The following CALN1 variants were observed in gnomAD, a reference collection of about 807,000 sequenced individuals.
CALN1 encodes the protein calneuron 1, also known as calcium-binding protein 8.
CALN1 carries 17 observed loss-of-function variants against 30.6 expected under a neutral mutation model. The observed-to-expected ratio is 0.56, with a 90% CI of 0.38 to 0.83. CALN1 has a LOEUF of 0.83. Among genes scored for constraint, CALN1 ranks in the 40% least tolerant of loss-of-function variants. CALN1 has a pLI of 0.00. For synonymous variants in CALN1, 156 were observed against 131.4 expected, an observed-to-expected ratio of 1.19 and a Z score of -1.28; for missense variants, 291 against 354.9, an observed-to-expected ratio of 0.82 and a Z score of 1.45.
chr7:71,805,039 C>T (rs1657122763), intron 6 of CALN1, among the ~76,000 whole-genome samples: 2 of 152,162 alleles, frequency 1.3e-5, no homozygotes, highest in African/African-American at 4.8e-5. Flanking sequence ...GAGTCCTTGT[C>T]CCTTGTGCTG....
chr7:72,116,312 A>T (rs980409953), intron 3 of CALN1, among the ~76,000 whole-genome samples: 1 of 152,212 alleles, frequency 6.6e-6, no homozygotes, highest in Admixed American at 6.5e-5. Context: ...TCAAGGACTT[A>T]AATGAGACTA....
At chr7:72,135,125 C>G (rs982971577) in intron 3 of CALN1, among the ~76,000 whole-genome samples, 1 of 152,150 alleles carries the variant, frequency 6.6e-6, no homozygotes, top group East Asian at 1.9e-4. Context: ...CTATTTCCAC[C>G]ACATCTGCAG....
chr7:72,364,072 A>AC (rs1425663557), intron 2 of CALN1, among the ~76,000 whole-genome samples: 8 of 151,958 alleles, frequency 5.3e-5, no homozygotes, highest in Admixed American at 2.0e-4. Flanking sequence ...AGTAAAAAAA[A>AC]AAAATACTTT....
chr7:72,040,853 C>A (rs73369831), intron 4 of CALN1, among the ~76,000 whole-genome samples: 4,093 of 152,256 alleles, frequency 0.027, 172 homozygotes, highest in African/African-American at 0.094. Flanking sequence ...AAACCAGCAT[C>A]TTGAGGTTGG....
At chr7:72,077,345 C>T (rs2129538427) in intron 4 of CALN1, among the ~76,000 whole-genome samples, 1 of 152,316 alleles carries the variant, frequency 6.6e-6, no homozygotes, top group South Asian at 2.1e-4. Context: ...ACAATCTTGG[C>T]TCACTTGAAT....
chr7:71,810,599 G>GC lies in CALN1; in HGVS notation c.502-108dup, dbSNP rs112319862. 245 of 1,109,080 alleles carry GC rather than the reference G, an allele frequency of 2.2e-4. 1 individual carries two copies. In the African/African-American group the frequency reaches 3.6e-3, roughly 16 times the overall value. 68.7% of individuals were successfully genotyped at this position (1,109,080 alleles called of 1,614,324 possible). On this transcript the variant is annotated intron_variant, in intron 5 of 6. Coordinates refer to ENST00000395275, the MANE Select transcript of CALN1 (RefSeq NM_031468.4). ...AGCTGCTCTGCAGAAACTTGTCTCA[G>GC]CGTTTCAGGATATCAGGTGAACAGT...
intron 5 of CALN1, among the ~76,000 whole-genome samples, chr7:71,983,130 T>C (rs983553550): frequency 2.0e-5 from 3 of 152,226 alleles, no homozygotes; most frequent in South Asian, 2.1e-4. Flanking sequence ...CAGTGCAGTC[T>C]GCTGCCAGCT....
chr7:71,878,185 A>G (rs910039958), intron 5 of CALN1, among the ~76,000 whole-genome samples: 1 of 152,212 alleles, frequency 6.6e-6, no homozygotes, highest in Non-Finnish European at 1.5e-5. Flanking sequence ...GTATTTAAGA[A>G]ATGACAAAGG....
chr7:71,934,336 C>A (rs980762062), intron 5 of CALN1, among the ~76,000 whole-genome samples: 4 of 152,170 alleles, frequency 2.6e-5, no homozygotes, highest in African/African-American at 9.7e-5. Flanking sequence ...CTGGTATAGT[C>A]ACTGATTATC....
intron 3 of CALN1, among the ~76,000 whole-genome samples, chr7:72,256,810 T>TA (rs1795945802): frequency 6.6e-6 from 1 of 152,026 alleles, no homozygotes; most frequent in Non-Finnish European, 1.5e-5. Context: ...TGGGAAAAGA[T>TA]AAAAGAAATT....
chr7:72,278,649 A>AG (rs764218550), intron 3 of CALN1, 37 bp downstream of exon 3: 6 of 1,591,900 alleles, frequency 3.8e-6, no homozygotes, highest in Non-Finnish European at 3.4e-6. Flanking sequence ...CCTCCCTGGG[A>AG]GGGGGGCCAT....
At chr7:72,117,509 A>T (rs1808069068) in intron 3 of CALN1, among the ~76,000 whole-genome samples, 1 of 152,084 alleles carries the variant, frequency 6.6e-6, no homozygotes, top group Non-Finnish European at 1.5e-5. Context: ...TCTGAAAGGG[A>T]AGGGATATAA....
At chr7:71,862,142 C>T (rs111879895) in intron 5 of CALN1, among the ~76,000 whole-genome samples, 5 of 152,248 alleles carry the variant, frequency 3.3e-5, no homozygotes, top group African/African-American at 1.2e-4. Context: ...TCTCATAAAT[C>T]TGCAAAGGTA....
At chr7:72,350,416 G>A (rs554237812) in intron 2 of CALN1, among the ~76,000 whole-genome samples, 112 of 152,266 alleles carry the variant, frequency 7.4e-4, no homozygotes, top group Non-Finnish European at 1.2e-3. Context: ...TAAAGAAAAC[G>A]TGGCACATAC....
chr7:71,903,014 T>TAAAAATTTTTTAAGTAAAAATTTAAA (rs1338867840), intron 5 of CALN1, among the ~76,000 whole-genome samples: 10 of 152,030 alleles, frequency 6.6e-5, no homozygotes, highest in East Asian at 5.8e-4. Context: ...AAAAATTACT[T>TAAAAATTTTTTAAGTAAAAATTTAAA]AAAAATTTTT....
intron 5 of CALN1, among the ~76,000 whole-genome samples, chr7:71,870,928 T>C (rs1791886020): frequency 1.3e-5 from 2 of 152,192 alleles, no homozygotes. Flanking sequence ...AGTCCCACCA[T>C]ACACTTCCTA....
chr7:71,847,847 G>GAGAAGGAGA (rs746393698), intron 5 of CALN1, among the ~76,000 whole-genome samples: 27,411 of 134,224 alleles, frequency 0.2, 3,107 homozygotes, highest in Middle Eastern at 0.3. Flanking sequence ...GAAGGAGAAG[G>GAGAAGGAGA]AGAAGAAGAA....
At chr7:71,980,158 T>C (rs1315346372) in intron 5 of CALN1, among the ~76,000 whole-genome samples, 1 of 148,236 alleles carries the variant, frequency 6.7e-6, no homozygotes, top group Non-Finnish European at 1.5e-5. Context: ...ATTACGGGCG[T>C]GAGCCACCAT....
intron 2 of CALN1, among the ~76,000 whole-genome samples, chr7:72,309,495 A>G (rs1486543375): frequency 1.3e-5 from 2 of 152,192 alleles, no homozygotes; most frequent in East Asian, 1.9e-4. Context: ...GGTGCTACAG[A>G]AAAGAATAGG....
Sources: allele counts gnomAD v4.1 joint callset (sites outside exome capture counted in the v4.1 genomes callset), GRCh38; gene constraint gnomAD v4.1.1; transcripts MANE v1.5; gene names NCBI Gene and HGNC (gene_info 2026-07-23, HGNC 2026-07-21).